PAPLN: variants seen among roughly 807,000 people sequenced by gnomAD.
The protein encoded by PAPLN is papilin, proteoglycan like sulfated glycoprotein.
PAPLN carries 146 observed loss-of-function variants against 159.0 expected under a neutral mutation model. The ratio of observed to expected loss-of-function variants is 0.92; its 90% confidence interval spans 0.80 to 1.05. The LOEUF (loss-of-function observed/expected upper bound fraction) is 1.05, where lower values mean the gene tolerates loss of function less well. Among genes scored for constraint, PAPLN ranks in the 50% least tolerant of loss-of-function variants. The pLI is 0.00. For synonymous variants in PAPLN, 734 were observed against 702.9 expected (o/e 1.04, Z -0.70); for missense variants, 1,720 against 1,743.9 (o/e 0.99, Z 0.24).
chr14:73,253,376 C>A, intron 11 of PAPLN: 1 of 670,844 alleles, frequency 1.5e-6, no homozygotes, highest in Non-Finnish European at 2.3e-6. Flanking sequence ...GCACCCGGGG[C>A]CTGGCAGAGC....
Position 73,254,547 on chromosome 14 carries a change from G to A in PAPLN, c.1337G>A (p.Arg446Gln), listed in dbSNP as rs377663506. The part of the protein sequence containing the change: ...SVSCGVGVRK[R>Q]SVTCRGERGS... ...AGTTGTGGCGTTGGCGTCCGGAAGC[G>A]GAGCGTTACTTGCCGGGGTGAAAGG... is the stretch of plus-strand genomic sequence containing the variant. Residue 446 changes from arginine (R) to glutamine (Q), a missense_variant, in exon 13 of 27, where the codon CGG becomes CAG. Arg to Gln is a conservative substitution (Grantham distance 43). Coordinates refer to ENST00000644200, the MANE Select transcript of PAPLN (RefSeq NM_001365906.3). The A allele has an allele frequency of 9.9e-6, 16 of 1,614,036 alleles. No individual in the cohort carries two copies. Among genetic ancestry groups the A allele is most frequent in the Middle Eastern group, 1.7e-4 (1 of 6,058 alleles).
In PAPLN at chr14:73,245,329, A is replaced by G. The variant is rs186781162; in HGVS notation, c.171-307A>G. ...CTTAGATCGCAGGATGGCTGTGCCAAGCGGGTGGGTATTATATCTCATGCA... is the reference window on the plus strand; with the variant it reads ...CTTAGATCGCAGGATGGCTGTGCCAGGCGGGTGGGTATTATATCTCATGCA... On this transcript the variant is annotated intron_variant, in intron 3 of 26. Coordinates refer to ENST00000644200, the MANE Select transcript of PAPLN (RefSeq NM_001365906.3). The surrounding 1 kb of genome is among the most constrained non-coding windows in gnomAD (Gnocchi z 4.2). 2.9e-4 allele frequency: 112 copies of G among 392,708 alleles called. No individual in the cohort carries two copies. The East Asian group carries it at 4.9e-3, about 17-fold the overall frequency. The allele number at this position is 392,708 out of a possible 1,614,324, so 24.3% of individuals were successfully genotyped here.
intron 26 of PAPLN, among the ~76,000 whole-genome samples, chr14:73,271,873 T>C (rs199498098): frequency 2.7e-5 from 1 of 37,110 alleles, no homozygotes; most frequent in African/African-American, 1.7e-4. Context: ...ACAAGGGCTT[T>C]GCTTTGTTCT....
chr14:73,269,837 C>G (rs1887549377), intron 26 of PAPLN, among the ~76,000 whole-genome samples: 1 of 149,850 alleles, frequency 6.7e-6, no homozygotes, highest in Non-Finnish European at 1.5e-5. Context: ...AGCGCCATGC[C>G]AGGAGCACGG....
chr14:73,249,055 T>C (rs1436754744), intron 5 of PAPLN, among the ~76,000 whole-genome samples: 1 of 152,176 alleles, frequency 6.6e-6, no homozygotes, highest in Non-Finnish European at 1.5e-5. Context: ...CACTTGAGTC[T>C]CGGAGGTAGA....
At chr14:73,250,145 C>G (rs371287390) in intron 6 of PAPLN, 31 bp downstream of exon 6, 120 of 1,577,828 alleles carry the variant, frequency 7.6e-5, no homozygotes, top group Non-Finnish European at 1.0e-4. Flanking sequence ...TCCCTGCCTC[C>G]GGGCTGCCTG....
chr14:73,246,642 C>CTTTTTTT (rs60063397), intron 5 of PAPLN, among the ~76,000 whole-genome samples: 6 of 116,858 alleles, frequency 5.1e-5, no homozygotes, highest in Admixed American at 9.3e-5. Context: ...TTCTTTCTTT[C>CTTTTTTT]TTTTTTTTTT....
chr14:73,243,399 G>A (rs1307806316), intron 2 of PAPLN: 5 of 152,208 alleles, frequency 3.3e-5, no homozygotes, highest in African/African-American at 9.7e-5. Flanking sequence ...TCCAGCAAAT[G>A]TTTGCATGTA....
chr14:73,249,115 AGT>A, intron 5 of PAPLN, among the ~76,000 whole-genome samples: 1 of 152,020 alleles, frequency 6.6e-6, no homozygotes, highest in South Asian at 2.1e-4. Context: ...TGGGAGACAG[AGT>A]GAGATCCCAT....
In PAPLN at chr14:73,245,880, G is replaced by T; in HGVS notation, c.231+184G>T. On this transcript the variant is annotated intron_variant, in intron 4 of 26. Coordinates refer to ENST00000644200, the MANE Select transcript of PAPLN (RefSeq NM_001365906.3). This position sits in a 1 kb window ranked among gnomAD's most constrained non-coding sequence, Gnocchi z 4.2. ...CACCCTGCTCCCGGGGACTGGCCTT[G>T]CCCTCCACAGCCTAGAGCACCATGG... is the stretch of plus-strand genomic sequence containing the variant. The T allele has an allele frequency of 1.1e-6, 1 of 892,342 alleles. No individual in the cohort carries two copies. Among genetic ancestry groups the T allele is most frequent in the Non-Finnish European group, 1.7e-6 (1 of 597,644 alleles). 55.3% of individuals were successfully genotyped at this position (892,342 alleles called of 1,614,324 possible). A position where few individuals can be genotyped will look rare whatever the true frequency, so the allele number is the denominator to read the frequency against.
chr14:73,264,106 T>C, intron 20 of PAPLN, 105 bp from the exon 21 acceptor site: 1 of 1,590,870 alleles, frequency 6.3e-7, no homozygotes, highest in Non-Finnish European at 8.5e-7. Flanking sequence ...GGGAGGGTGC[T>C]CTGTAGACTC....
chr14:73,254,750 C>G, intron 13 of PAPLN, 55 bp downstream of exon 13: 1 of 1,595,488 alleles, frequency 6.3e-7, no homozygotes, highest in Middle Eastern at 1.8e-4. Flanking sequence ...TGGCAGGTGG[C>G]TGCACCCGAG....
upstream of PAPLN, among the ~76,000 whole-genome samples, chr14:73,237,310 G>A (rs188585555): frequency 1.3e-5 from 2 of 152,340 alleles, no homozygotes; most frequent in African/African-American, 4.8e-5. Context: ...GGGGTGACCA[G>A]AGTGGAGGAT....
Position 73,263,667 on chromosome 14 carries a change from C to T in PAPLN, c.2746C>T (p.Pro916Ser). The change falls in exon 20 of 27, where the codon CCC (proline) becomes TCC (serine). Residue 916 changes from proline to serine, a missense_variant. Transcript: ENST00000644200. The part of the protein sequence containing the change: ...SYRISLAGVE[P>S]SLVQAALGQL... ...CAGGATTAGCTTGGCAGGTGTGGAG[C>T]CCTCGTTGGTGCAGGCAGCCCTGGG... 6.2e-7 allele frequency: 1 copy of T among 1,613,738 alleles called. No homozygotes were observed. The highest frequency in any genetic ancestry group is 8.5e-7 in the Non-Finnish European group (1 of 1,180,000).
At position 73,259,403 on chromosome 14, in the gene PAPLN, C is replaced by T. The variant is rs1271494504; in HGVS notation, c.1843C>T (p.Pro615Ser). The T allele has an allele frequency of 6.2e-7, 1 of 1,613,016 alleles. No individual in the cohort carries two copies. Among genetic ancestry groups the T allele is most frequent in the South Asian group, 1.1e-5 (1 of 90,874 alleles). The change falls in exon 16 of 27, where the codon CCC becomes TCC. Residue 615 changes from proline to serine, a missense_variant. By Grantham distance (74) the Pro-to-Ser change is moderately conservative. Coordinates refer to ENST00000644200, the MANE Select transcript of PAPLN (RefSeq NM_001365906.3). ...GGGCCCCGCTCCCTCTCTGCAGCAG[C>T]CCCCATACCAGCAACCCCTGCGGTC... is the stretch of plus-strand genomic sequence containing the variant. ...ALGPAPSLQQ[P>S]PYQQPLRSGS... is the part of the protein sequence containing the mutation.
At position 73,259,286 on chromosome 14, in the gene PAPLN, T is replaced by C. The variant is rs749400038; in HGVS notation, c.1726T>C (p.Trp576Arg). ...CTTTCTAGACTCCAGAGGCCAGTGGTGGGCAGCCCAGGAACACCCCTCAGC... is the reference window on the plus strand; with the variant it reads ...CTTTCTAGACTCCAGAGGCCAGTGGCGGGCAGCCCAGGAACACCCCTCAGC... The part of the protein sequence containing the change: ...SPASDSRGQW[W>R]AAQEHPSARG... Residue 576 changes from tryptophan to arginine, a missense_variant, in exon 16 of 27, where the codon TGG becomes CGG. Transcript: ENST00000644200. 7.0e-6 allele frequency: 11 copies of C among 1,566,204 alleles called. No homozygotes were observed. Among genetic ancestry groups the C allele is most frequent in the African/African-American group, 1.4e-5 (1 of 73,522 alleles).
intron 18 of PAPLN, 65 bp downstream of exon 18, chr14:73,261,359 C>T (rs536657640): frequency 1.3e-5 from 20 of 1,566,544 alleles, no homozygotes; most frequent in South Asian, 3.5e-5. Context: ...GCCTCCAGCC[C>T]CCACCCAGGA....
chr14:73,253,248 C>T (rs1274044161), intron 11 of PAPLN: 7 of 1,357,454 alleles, frequency 5.2e-6, no homozygotes, highest in South Asian at 4.6e-5. Context: ...GTCACAGGCT[C>T]CCCGCAGGGC....
intron 25 of PAPLN, among the ~76,000 whole-genome samples, 194 bp downstream of exon 25, chr14:73,267,025 G>T (rs1594833025): frequency 6.6e-6 from 1 of 152,190 alleles, no homozygotes; most frequent in South Asian, 2.1e-4. Context: ...CTCTCTGCTG[G>T]TTGGGCTACA....
Sources: gnomAD v4.1 joint callset for allele counts (sites outside exome capture counted in the v4.1 genomes callset) on GRCh38, gnomAD v4.1.1 for gene constraint, Gnocchi (gnomAD v3.1) non-coding constraint, MANE v1.5 for transcripts, NCBI Gene and HGNC (gene_info 2026-07-23, HGNC 2026-07-21) for gene names.